Variants in SHROOM2 observed in about 807,000 individuals in gnomAD.
SHROOM2 encodes the protein protein Shroom2.
SHROOM2 carries 33 observed loss-of-function variants against 75.9 expected under a neutral mutation model. The observed-to-expected ratio is 0.43, with a 90% confidence interval of 0.33 to 0.58. SHROOM2 has a LOEUF of 0.58. SHROOM2 is among the 20% of genes least tolerant of loss of function. SHROOM2 has a pLI of 0.04. For synonymous variants in SHROOM2, 655 were observed against 663.6 expected (o/e 0.99, Z 0.20); for missense variants, 1,434 against 1,461.2 (o/e 0.98, Z 0.30).
intron 1 of SHROOM2, among the ~76,000 whole-genome samples, chrX:9,871,398 G>A (rs5978345): frequency 0.11 from 11,847 of 111,122 alleles, 1,484 homozygotes; most frequent in African/African-American, 0.37. Flanking sequence ...CCTGGGGGGA[G>A]GGTTGCTCCA....
chrX:9,788,476 A>T (rs1487525036), intron 1 of SHROOM2, among the ~76,000 whole-genome samples: 1 of 111,285 alleles, frequency 9.0e-6, no homozygotes, highest in East Asian at 2.8e-4. Flanking sequence ...GAGGGGTGTC[A>T]AGAACAAGGC....
At chrX:9,913,014 G>C (rs1317085963) in intron 5 of SHROOM2, 5 of 112,491 alleles carry the variant, frequency 4.4e-5, no homozygotes, top group Non-Finnish European at 1.9e-5. Flanking sequence ...GGAAGCCGTA[G>C]AGCCATCATC....
chrX:9,821,409 G>A (rs1012526265), intron 1 of SHROOM2, among the ~76,000 whole-genome samples: 4 of 89,423 alleles, frequency 4.5e-5, no homozygotes, highest in Non-Finnish European at 9.2e-5. Flanking sequence ...TACAGCCTGA[G>A]CTTGCTTGGG....
rs1460114639 is a variant in SHROOM2, at chrX:9,937,230, C to T, written c.3684C>T (p.Ser1228=). 1 of 1,205,739 alleles carries T rather than the reference C, an allele frequency of 8.3e-7. No individual in the cohort carries two copies. The highest frequency in any genetic ancestry group is 1.7e-5 in the African/African-American group (1 of 57,344). The part of the protein sequence containing the change: ...ESQPEKESRQ[S]LACPAEPPAL... ...AGCCAGAGAAGGAGAGCCGCCAGAGCCTGGCATGCCCCGCCGAGCCACCTG... is the reference window on the plus strand; with the variant it reads ...AGCCAGAGAAGGAGAGCCGCCAGAGTCTGGCATGCCCCGCCGAGCCACCTG... The change falls in exon 7 of 10, where the codon AGC becomes AGT. Residue 1228 remains serine (S), a synonymous_variant. Transcript: ENST00000380913.
chrX:9,923,639 C>T (rs2084567937), intron 5 of SHROOM2, among the ~76,000 whole-genome samples: 1 of 111,875 alleles, frequency 8.9e-6, no homozygotes, highest in Non-Finnish European at 1.9e-5. Context: ...CCAGGGCTCA[C>T]GCTCTGGAAC....
intron 5 of SHROOM2, among the ~76,000 whole-genome samples, chrX:9,927,139 A>G (rs190800007): frequency 4.6e-4 from 51 of 110,264 alleles, no homozygotes; most frequent in African/African-American, 1.4e-3. Flanking sequence ...ACTTGAGCCC[A>G]GGAGTTTGAG....
chrX:9,890,536 A>G (rs1306873519), intron 2 of SHROOM2, among the ~76,000 whole-genome samples: 1 of 113,903 alleles, frequency 8.8e-6, no homozygotes, highest in African/African-American at 3.2e-5. Context: ...AGTTGCTGTG[A>G]TCAGTGTCAG....
chrX:9,815,665 G>A (rs2083817357), intron 1 of SHROOM2, among the ~76,000 whole-genome samples: 1 of 109,253 alleles, frequency 9.2e-6, no homozygotes, highest in African/African-American at 3.3e-5. Context: ...TAGGCCATCT[G>A]CAAGCTGAGG....
intron 1 of SHROOM2, among the ~76,000 whole-genome samples, chrX:9,871,789 C>G (rs1048938047): frequency 9.0e-6 from 1 of 111,436 alleles, no homozygotes; most frequent in African/African-American, 3.3e-5. Flanking sequence ...CCTGACCCCC[C>G]ACCCCAAGAA....
intron 1 of SHROOM2, among the ~76,000 whole-genome samples, chrX:9,864,554 C>T (rs2084122801): frequency 1.8e-5 from 2 of 111,007 alleles, no homozygotes; most frequent in Non-Finnish European, 3.8e-5. Flanking sequence ...CGCGGTGGCT[C>T]ACGCCTGTAA....
intron 2 of SHROOM2, among the ~76,000 whole-genome samples, chrX:9,878,237 C>G (rs1231772741): frequency 1.8e-5 from 2 of 111,777 alleles, no homozygotes; most frequent in African/African-American, 6.5e-5. Flanking sequence ...TTCTCTTGAA[C>G]CGGTCATGTG....
chrX:9,807,815 C>T (rs1243778079), intron 1 of SHROOM2, among the ~76,000 whole-genome samples: 1 of 112,153 alleles, frequency 8.9e-6, no homozygotes, highest in East Asian at 2.8e-4. Context: ...TCTGAGTGTC[C>T]TTTCCTGCCC....
At chrX:9,883,752 A>G (rs775622800) in intron 2 of SHROOM2, among the ~76,000 whole-genome samples, 2 of 111,419 alleles carry the variant, frequency 1.8e-5, no homozygotes, top group Admixed American at 1.9e-4. Context: ...CTTCCGGAGG[A>G]TTGGCAGGAA....
At chrX:9,857,762 C>T (rs1035321777) in intron 1 of SHROOM2, among the ~76,000 whole-genome samples, 3 of 110,981 alleles carry the variant, frequency 2.7e-5, no homozygotes, top group Admixed American at 9.6e-5. Context: ...ACCCCGCCCC[C>T]GAAATTCCAG....
intron 5 of SHROOM2, among the ~76,000 whole-genome samples, chrX:9,920,230 A>G (rs1361985386): frequency 8.9e-6 from 1 of 112,560 alleles, no homozygotes; most frequent in Non-Finnish European, 1.9e-5. Flanking sequence ...TCAGCTCACT[A>G]CAACTCATCA....
chrX:9,911,717 A>G (rs1479361214), intron 5 of SHROOM2, among the ~76,000 whole-genome samples: 1 of 111,647 alleles, frequency 9.0e-6, no homozygotes, highest in African/African-American at 3.3e-5. Flanking sequence ...CCTTGCACAC[A>G]CTCAAAGTTC....
chrX:9,806,431 T>G (rs1440817687), intron 1 of SHROOM2, among the ~76,000 whole-genome samples: 2 of 109,446 alleles, frequency 1.8e-5, no homozygotes, highest in Non-Finnish European at 3.8e-5. Flanking sequence ...GTTAAACAGA[T>G]TAATTGAAAT....
chrX:9,886,507 G>A (rs1195482026), intron 2 of SHROOM2, among the ~76,000 whole-genome samples: 1 of 112,007 alleles, frequency 8.9e-6, no homozygotes. Context: ...ATGTTCAGTA[G>A]CATTAAGTGT....
intron 8 of SHROOM2, among the ~76,000 whole-genome samples, chrX:9,941,814 A>G (rs1203185983): frequency 9.2e-6 from 1 of 108,154 alleles, no homozygotes; most frequent in Non-Finnish European, 1.9e-5. Context: ...TACTAAAAAT[A>G]CAAAAAATTA....
Sources: gnomAD v4.1 joint callset for allele counts (sites outside exome capture counted in the v4.1 genomes callset) on GRCh38, gnomAD v4.1.1 for gene constraint, MANE v1.5 for transcripts, NCBI Gene and HGNC (gene_info 2026-07-23, HGNC 2026-07-21) for gene names.